The following UBR3 variants were observed in gnomAD, a reference collection of about 807,000 sequenced individuals.
The protein encoded by UBR3 is ubiquitin protein ligase E3 component n-recognin 3, also known as E3 ubiquitin-protein ligase UBR3.
Under a neutral mutation model 243.2 loss-of-function variants are expected in UBR3, and 85 were observed. The observed-to-expected ratio is 0.35, with a 90% CI of 0.29 to 0.42. UBR3 has a LOEUF of 0.42. UBR3 is among the 10% of genes least tolerant of loss of function. The probability of loss-of-function intolerance (pLI) is 1.00; values close to 1 mark genes in which losing one functional copy is unlikely to be tolerated. For synonymous variants in UBR3, 748 were observed against 799.8 expected (o/e 0.94, Z 1.09); for missense variants, 1,686 against 2,300.8 (o/e 0.73, Z 5.47).
rs1312003796 is a variant in UBR3 at position 169,958,501 on chromosome 2, CT to C, written c.3612del (p.Phe1204LeufsTer50). 1 of 1,612,900 alleles carries C rather than the reference CT, an allele frequency of 6.2e-7. No individual in the cohort carries two copies. The highest frequency in any genetic ancestry group is 1.7e-5 in the Admixed American group (1 of 59,932). ...LAEFASRQKS[F>X]METAMDVDSP... ...CGGAGTTTGCTTCACGACAGAAAAG[CT>C]TTATGGAAACTGCAATGGATGTTGG... On this transcript the variant is annotated frameshift_variant, in exon 24 of 39. Transcript: ENST00000272793. LOFTEE classifies it high-confidence loss of function.
intron 1 of UBR3, among the ~76,000 whole-genome samples, chr2:169,867,924 AT>A (rs756177619): frequency 4.0e-5 from 6 of 151,566 alleles, no homozygotes; most frequent in Admixed American, 3.9e-4. Flanking sequence ...AAGAGTAGGG[AT>A]TTTTTTTTCT....
chr2:169,849,547 G>A (rs1346499858), intron 1 of UBR3, among the ~76,000 whole-genome samples: 1 of 152,144 alleles, frequency 6.6e-6, no homozygotes, highest in Non-Finnish European at 1.5e-5. Flanking sequence ...CACCCACCTT[G>A]ACCTCCCAAA....
At chr2:170,081,495 G>A (rs1014274468) in intron 38 of UBR3, among the ~76,000 whole-genome samples, 2 of 151,598 alleles carry the variant, frequency 1.3e-5, no homozygotes, top group African/African-American at 2.4e-5. Flanking sequence ...GTGGGACTCC[G>A]TCTCAAAAAA....
chr2:170,073,441 T>G lies in UBR3; in HGVS notation c.5033T>G (p.Phe1678Cys). 1 of 1,613,438 alleles carries G rather than the reference T, an allele frequency of 6.2e-7. No individual in the cohort carries two copies. The highest frequency in any genetic ancestry group is 8.5e-7 in the Non-Finnish European group (1 of 1,179,598). Residue 1678 changes from phenylalanine (F) to cysteine (C), a missense_variant, in exon 36 of 39, where the codon TTT becomes TGT. By Grantham distance (205) the Phe-to-Cys change is radical. Coordinates refer to ENST00000272793, the MANE Select transcript of UBR3 (RefSeq NM_172070.4). ...DLPSCQEEEEFSVLASCLGLL... is the reference protein window; with the variant it reads ...DLPSCQEEEECSVLASCLGLL... The stretch of plus-strand genomic sequence containing the variant: ...CATGTCTAAAAGGAAGAAGAAGAAT[T>G]TTCAGTTCTTGCCAGCTGCCTGGGA...
intron 1 of UBR3, among the ~76,000 whole-genome samples, chr2:169,847,124 T>TGTGTGTGTGC (rs1332056027): frequency 3.0e-5 from 1 of 33,486 alleles, no homozygotes; most frequent in African/African-American, 7.5e-5. Context: ...TGTGTGTGTG[T>TGTGTGTGTGC]GCGCTGGCAG....
At chr2:170,019,361 CAA>C (rs2090329565) in intron 30 of UBR3, among the ~76,000 whole-genome samples, 1 of 152,118 alleles carries the variant, frequency 6.6e-6, no homozygotes, top group Non-Finnish European at 1.5e-5. Context: ...TCTACTTGCT[CAA>C]AGAGTGAATT....
chr2:169,947,719 A>G lies in UBR3; in HGVS notation c.3084+4A>G, dbSNP rs2086841664. On this transcript the variant is annotated splice_donor_region_variant and intron_variant, in intron 22 of 38. Coordinates refer to ENST00000272793, the MANE Select transcript of UBR3 (RefSeq NM_172070.4). ...TGATAACTTGGGTTCTTTACAAGTAAGTGTAAATGTAAGAAAGAAAATAAG... is the reference window on the plus strand; with the variant it reads ...TGATAACTTGGGTTCTTTACAAGTAGGTGTAAATGTAAGAAAGAAAATAAG... 2.1e-6 allele frequency: 3 copies of G among 1,458,106 alleles called. No homozygotes were observed. The highest frequency in any genetic ancestry group is 3.0e-5 in the South Asian group (2 of 66,342). The allele number at this position is 1,458,106 out of a possible 1,614,324, so 90.3% of individuals were successfully genotyped here. A position where few individuals can be genotyped will look rare whatever the true frequency, so the allele number is the denominator to read the frequency against.
At chr2:170,021,470 G>T (rs1232723739) in intron 30 of UBR3, among the ~76,000 whole-genome samples, 1 of 152,122 alleles carries the variant, frequency 6.6e-6, no homozygotes, top group Non-Finnish European at 1.5e-5. Context: ...AGGGGCAAGA[G>T]ATCTCTCTGG....
chr2:169,975,807 A>C (rs1393152246), intron 24 of UBR3, among the ~76,000 whole-genome samples: 1 of 152,156 alleles, frequency 6.6e-6, no homozygotes, highest in Non-Finnish European at 1.5e-5. Context: ...GTCTCTAAAA[A>C]AACAAACAGG....
intron 1 of UBR3, among the ~76,000 whole-genome samples, chr2:169,854,703 G>A (rs1447534860): frequency 6.6e-6 from 1 of 152,074 alleles, no homozygotes; most frequent in African/African-American, 2.4e-5. Flanking sequence ...AACATAAAGT[G>A]TTGATAAGTA....
chr2:169,931,290 G>A (rs2086114652), intron 18 of UBR3, among the ~76,000 whole-genome samples: 2 of 141,972 alleles, frequency 1.4e-5, no homozygotes, highest in South Asian at 2.3e-4. Context: ...GGCGGAGCTT[G>A]CAGTGAGCCG....
At chr2:169,855,371 T>G (rs1220698924) in intron 1 of UBR3, among the ~76,000 whole-genome samples, 2 of 152,182 alleles carry the variant, frequency 1.3e-5, no homozygotes, top group Admixed American at 1.3e-4. Context: ...TTAGTATTTA[T>G]TGATCATTCT....
At chr2:169,828,831 C>A (rs534914847) in intron 1 of UBR3, among the ~76,000 whole-genome samples, 26 of 152,162 alleles carry the variant, frequency 1.7e-4, no homozygotes, top group African/African-American at 3.9e-4. Flanking sequence ...GATACGTGAA[C>A]CTCTGTCTAA....
intron 9 of UBR3, 148 bp downstream of exon 9, chr2:169,905,441 A>C (rs1207961354): frequency 1.7e-6 from 1 of 574,290 alleles, no homozygotes; most frequent in African/African-American, 1.9e-5. Context: ...GTACTTTAAT[A>C]AATTGTTCAT....
Position 169,905,221 on chromosome 2 carries a change from A to T in UBR3, c.1573A>T (p.Ser525Cys). Reference protein sequence around the residue: ...SDFINILSHQSVAKRFLEDHG... With the variant: ...SDFINILSHQCVAKRFLEDHG... The stretch of plus-strand genomic sequence containing the variant: ...TTTTATTAATATTCTTTCTCATCAA[A>T]GTGTGGCCAAGAGATTTTTGGAGGA... Residue 525 changes from serine (S) to cysteine (C), a missense_variant, in exon 9 of 39, where the codon AGT (serine) becomes TGT (cysteine). Physicochemically the swap from Ser to Cys is moderately radical, Grantham distance 112 (BLOSUM62 -1). Transcript: ENST00000272793. 1 of 1,542,860 alleles carries T rather than the reference A, an allele frequency of 6.5e-7. No individual in the cohort carries two copies.
At chr2:170,016,838 T>C (rs2090250135) in intron 30 of UBR3, 2 of 842,062 alleles carry the variant, frequency 2.4e-6, no homozygotes, top group East Asian at 2.1e-4. Flanking sequence ...TTCAGACTTT[T>C]GCTTCATTAT....
chr2:169,976,236 C>T (rs1166446471), intron 24 of UBR3, among the ~76,000 whole-genome samples: 2 of 150,312 alleles, frequency 1.3e-5, no homozygotes, highest in Non-Finnish European at 3.0e-5. Context: ...GGTTGTGTAT[C>T]CTTTGTTCCT....
intron 1 of UBR3, among the ~76,000 whole-genome samples, chr2:169,865,735 G>A (rs1452063691): frequency 3.9e-5 from 6 of 151,962 alleles, no homozygotes; most frequent in Non-Finnish European, 8.8e-5. Context: ...TTCTCTCCTG[G>A]CTTTCCTTTC....
chr2:169,868,160 A>T (rs994372455), intron 1 of UBR3, among the ~76,000 whole-genome samples: 9 of 152,116 alleles, frequency 5.9e-5, no homozygotes, highest in Non-Finnish European at 1.5e-5. Flanking sequence ...TTTCATGAAC[A>T]TAACAATGAA....
Sources: gnomAD v4.1 joint callset for allele counts (sites outside exome capture counted in the v4.1 genomes callset) on GRCh38, gnomAD v4.1.1 for gene constraint, MANE v1.5 for transcripts, NCBI Gene and HGNC (gene_info 2026-07-23, HGNC 2026-07-21) for gene names.